The following MPP7 variants were observed in gnomAD, a reference collection of about 807,000 sequenced individuals.
MPP7 encodes the protein MAGUK p55 scaffold protein 7.
MPP7 carries 60 observed loss-of-function variants against 76.5 expected under a neutral mutation model. The observed-to-expected ratio is 0.78, with a 90% CI of 0.64 to 0.97. The LOEUF (loss-of-function observed/expected upper bound fraction) is 0.97. Ranked by LOEUF, MPP7 falls within the 50% of genes least tolerant of loss-of-function variation. MPP7 has a pLI of 0.00. For missense variants in MPP7, 641 were observed against 694.0 expected (o/e 0.92, Z 0.86); for synonymous variants, 237 against 244.5 (o/e 0.97, Z 0.29).
intron 12 of MPP7, among the ~76,000 whole-genome samples, chr10:28,073,293 C>T (rs1470120607): frequency 6.6e-6 from 1 of 152,094 alleles, no homozygotes; most frequent in Non-Finnish European, 1.5e-5. Flanking sequence ...TGCCACAATA[C>T]CCCTGTTTTG....
chr10:28,203,671 T>TTA (rs1390028228), intron 2 of MPP7, among the ~76,000 whole-genome samples: 1 of 152,170 alleles, frequency 6.6e-6, no homozygotes, highest in Non-Finnish European at 1.5e-5. Context: ...ACAGGTTTCA[T>TTA]TATATATATG....
intron 12 of MPP7, among the ~76,000 whole-genome samples, chr10:28,079,726 C>T (rs977747184): frequency 1.3e-5 from 2 of 152,142 alleles, no homozygotes; most frequent in African/African-American, 4.8e-5. Context: ...TGTTAGTGCA[C>T]ATTCTGAGCG....
At chr10:28,295,555 A>T (rs557351457) in intron 1 of MPP7, among the ~76,000 whole-genome samples, 1 of 123,414 alleles carries the variant, frequency 8.1e-6, no homozygotes, top group South Asian at 3.7e-4. Context: ...CCCAATGCCA[A>T]AAAAAGAAGT....
At chr10:28,066,460 A>C (rs80154490) in intron 13 of MPP7, among the ~76,000 whole-genome samples, 1,835 of 152,330 alleles carry the variant, frequency 0.012, 54 homozygotes, top group East Asian at 0.12. Flanking sequence ...CCCATGTAAA[A>C]TCACTCAGCT....
intron 2 of MPP7, among the ~76,000 whole-genome samples, chr10:28,309,669 C>G (rs1841278079): frequency 6.6e-6 from 1 of 152,078 alleles, no homozygotes; most frequent in Admixed American, 6.6e-5. Flanking sequence ...GGATGTTTTC[C>G]CCTGAAAATC....
intron 1 of MPP7, among the ~76,000 whole-genome samples, chr10:28,240,046 G>A (rs1239960524): frequency 6.6e-6 from 1 of 152,022 alleles, no homozygotes; most frequent in Non-Finnish European, 1.5e-5. Context: ...CCTAGAGGGA[G>A]GCCATCTGGT....
rs116058787 is a variant in MPP7 at position 28,286,689 on chromosome 10, G to C, written c.-132+16172C>G. On this transcript the variant is annotated intron_variant, in intron 1 of 16. Coordinates refer to ENST00000683449, the MANE Select transcript of MPP7 (RefSeq NM_001318170.2). The stretch of plus-strand genomic sequence containing the variant: ...AACAGGTCATTCACAACTTTCATAG[G>C]CTGACAGGAAGCACTGATGATCAAA... Among the ~76,000 whole-genome samples the C allele has an allele frequency of 7.6e-3, 1,162 of 152,128 alleles. 15 individuals carry two copies. The highest frequency in any genetic ancestry group is 0.026 in the African/African-American group (1,096 of 41,468).
intron 5 of MPP7, among the ~76,000 whole-genome samples, chr10:28,134,988 C>A (rs906745786): frequency 3.9e-5 from 6 of 151,988 alleles, no homozygotes; most frequent in African/African-American, 1.4e-4. Context: ...AGGAATCCAC[C>A]TGAAAAAACT....
At chr10:28,130,243 T>C (rs1244157383) in intron 6 of MPP7, among the ~76,000 whole-genome samples, 2 of 152,124 alleles carry the variant, frequency 1.3e-5, no homozygotes, top group Non-Finnish European at 2.9e-5. Context: ...TCCAAACACA[T>C]TATATCTTAG....
At chr10:28,258,895 T>A (rs2100614) in intron 1 of MPP7, among the ~76,000 whole-genome samples, 4,716 of 151,730 alleles carry the variant, frequency 0.031, 118 homozygotes, top group South Asian at 0.052. Context: ...AAAACAGAAA[T>A]CCCTATTTCT....
At chr10:28,080,083 G>A (rs1436856887) in intron 12 of MPP7, among the ~76,000 whole-genome samples, 1 of 128,220 alleles carries the variant, frequency 7.8e-6, no homozygotes, top group Non-Finnish European at 1.6e-5. Flanking sequence ...GAGGGAGGGA[G>A]AGGGGAGGGG....
chr10:28,272,443 A>G (rs1431614139), intron 1 of MPP7, among the ~76,000 whole-genome samples: 1 of 152,214 alleles, frequency 6.6e-6, no homozygotes, highest in African/African-American at 2.4e-5. Flanking sequence ...AGTTATAGAC[A>G]TAAGTATATA....
chr10:28,164,455 G>A (rs572788274), intron 3 of MPP7, among the ~76,000 whole-genome samples: 1 of 151,998 alleles, frequency 6.6e-6, no homozygotes, highest in African/African-American at 2.4e-5. Context: ...CTAAGTGGAG[G>A]GCTGCAACAG....
At chr10:28,162,131 A>T (rs1836283083) in intron 3 of MPP7, among the ~76,000 whole-genome samples, 1 of 152,212 alleles carries the variant, frequency 6.6e-6, no homozygotes, top group Non-Finnish European at 1.5e-5. Flanking sequence ...GACTTCAGGG[A>T]TACAAAGACA....
Position 28,131,701 on chromosome 10 carries a change from T to C in MPP7, c.316-10A>G, listed in dbSNP as rs749076035. On this transcript the variant is annotated splice_polypyrimidine_tract_variant and intron_variant, in intron 5 of 16. Coordinates refer to ENST00000683449, the MANE Select transcript of MPP7 (RefSeq NM_001318170.2). ...GTACAGAGAGCAAAGCCTGTAATAT[T>C]CAAAGGTTGATTTAAATAAGTAAAT... 1 of 1,525,536 alleles carries C rather than the reference T, an allele frequency of 6.6e-7. No individual in the cohort carries two copies. Among genetic ancestry groups the C allele is most frequent in the Non-Finnish European group, 8.9e-7 (1 of 1,129,382 alleles). 94.5% of individuals were successfully genotyped at this position (1,525,536 alleles called of 1,614,324 possible).
chr10:28,281,665 C>G (rs1204023198), intron 1 of MPP7, among the ~76,000 whole-genome samples: 1 of 152,072 alleles, frequency 6.6e-6, no homozygotes, highest in Non-Finnish European at 1.5e-5. Flanking sequence ...ATGTGCCAGG[C>G]ACTGCACTAA....
At chr10:28,290,354 A>C (rs1341515019) in intron 1 of MPP7, among the ~76,000 whole-genome samples, 1 of 150,694 alleles carries the variant, frequency 6.6e-6, no homozygotes, top group East Asian at 2.0e-4. Context: ...AAAGAGTATA[A>C]TACTACAAGG....
At chr10:28,326,484 T>C (rs1834416986) in intron 2 of MPP7, among the ~76,000 whole-genome samples, 1 of 152,136 alleles carries the variant, frequency 6.6e-6, no homozygotes, top group South Asian at 2.1e-4. Context: ...CTTCTACAAA[T>C]GGTGACAGTC....
At chr10:28,074,565 G>C (rs1407448877) in intron 12 of MPP7, among the ~76,000 whole-genome samples, 1 of 152,172 alleles carries the variant, frequency 6.6e-6, no homozygotes, top group Non-Finnish European at 1.5e-5. Context: ...CCAAAGCGCT[G>C]GGATTACAGG....
Sources: allele counts gnomAD v4.1 joint callset (sites outside exome capture counted in the v4.1 genomes callset), GRCh38; gene constraint gnomAD v4.1.1; transcripts MANE v1.5; gene names NCBI Gene and HGNC (gene_info 2026-07-23, HGNC 2026-07-21).